Variants in CPQ observed in about 807,000 individuals in gnomAD.
CPQ encodes the protein carboxypeptidase Q.
In CPQ, 37 loss-of-function variants were observed where a neutral mutation model predicts 45.7. The ratio of observed to expected loss-of-function variants is 0.81; its 90% CI spans 0.62 to 1.07. CPQ has a LOEUF of 1.07. Ranked by LOEUF, CPQ falls within the 50% of genes least tolerant of loss-of-function variation. CPQ has a pLI of 0.00. For missense variants in CPQ, 537 were observed against 572.9 expected (o/e 0.94, Z 0.64); for synonymous variants, 186 against 205.8 (o/e 0.90, Z 0.82).
chr8:96,971,092 C>T (rs147377740), intron 5 of CPQ, among the ~76,000 whole-genome samples: 1,838 of 152,260 alleles, frequency 0.012, 36 homozygotes, highest in African/African-American at 0.041. Context: ...CAATGCCCTG[C>T]GGCATTTTTT....
chr8:97,085,820 C>T (rs747344332), intron 7 of CPQ, among the ~76,000 whole-genome samples: 2 of 152,092 alleles, frequency 1.3e-5, no homozygotes, highest in African/African-American at 2.4e-5. Context: ...AGGCTAAAGC[C>T]AATTGTGGTT....
intron 1 of CPQ, among the ~76,000 whole-genome samples, chr8:96,773,413 G>A (rs1810570529): frequency 6.6e-6 from 1 of 152,146 alleles, no homozygotes; most frequent in Non-Finnish European, 1.5e-5. Flanking sequence ...GTTTTGCCTA[G>A]GAGTTGGAGA....
At chr8:96,752,952 T>G (rs1261471946) in intron 1 of CPQ, among the ~76,000 whole-genome samples, 2 of 152,164 alleles carry the variant, frequency 1.3e-5, no homozygotes, top group African/African-American at 4.8e-5. Flanking sequence ...CATTTTATTC[T>G]GTGACTTCTT....
chr8:97,052,928 A>G (rs865819796), intron 6 of CPQ, among the ~76,000 whole-genome samples: 3 of 152,230 alleles, frequency 2.0e-5, no homozygotes, highest in Non-Finnish European at 4.4e-5. Flanking sequence ...CATACACAGT[A>G]AAGATTCAGC....
At chr8:96,972,642 G>T (rs1256492171) in intron 5 of CPQ, among the ~76,000 whole-genome samples, 1 of 152,178 alleles carries the variant, frequency 6.6e-6, no homozygotes, top group East Asian at 1.9e-4. Flanking sequence ...TCACTCCCCT[G>T]CTAATTCCAT....
At chr8:97,025,471 C>T (rs773393418) in intron 5 of CPQ, among the ~76,000 whole-genome samples, 3 of 152,082 alleles carry the variant, frequency 2.0e-5, no homozygotes, top group Non-Finnish European at 2.9e-5. Flanking sequence ...ATAGGAGAAC[C>T]GACTGCCTCT....
intron 4 of CPQ, among the ~76,000 whole-genome samples, chr8:96,965,659 G>A (rs544082765): frequency 1.3e-5 from 2 of 152,120 alleles, no homozygotes; most frequent in Admixed American, 6.5e-5. Flanking sequence ...GTGAGCCACC[G>A]CACCCGGCCA....
intron 1 of CPQ, among the ~76,000 whole-genome samples, chr8:96,675,897 A>C (rs1330165518): frequency 6.6e-6 from 1 of 151,938 alleles, no homozygotes; most frequent in African/African-American, 2.4e-5. Context: ...ACTCTTTTTT[A>C]AAATAAGTGT....
intron 1 of CPQ, among the ~76,000 whole-genome samples, chr8:96,656,553 G>A (rs975818944): frequency 6.6e-6 from 1 of 152,094 alleles, no homozygotes; most frequent in African/African-American, 2.4e-5. Context: ...CCTGTCTCTG[G>A]GCAGGGCCTT....
At chr8:96,902,818 G>A (rs567885337) in intron 4 of CPQ, among the ~76,000 whole-genome samples, 5 of 152,310 alleles carry the variant, frequency 3.3e-5, no homozygotes, top group East Asian at 1.9e-4. Flanking sequence ...ACTCCTTGTA[G>A]GGTGAAATTT....
chr8:96,897,890 T>C (rs947768230), intron 4 of CPQ, among the ~76,000 whole-genome samples: 2 of 152,112 alleles, frequency 1.3e-5, no homozygotes, highest in Non-Finnish European at 2.9e-5. Flanking sequence ...CCCTTTTAAT[T>C]TGCATACCAT....
At chr8:97,009,145 CG>C (rs1809437403) in intron 5 of CPQ, among the ~76,000 whole-genome samples, 1 of 152,244 alleles carries the variant, frequency 6.6e-6, no homozygotes, top group African/African-American at 2.4e-5. Context: ...GCATCAGCAA[CG>C]TCTCCACAGC....
intron 5 of CPQ, among the ~76,000 whole-genome samples, chr8:97,026,496 A>C (rs560153247): frequency 2.0e-5 from 3 of 152,194 alleles, no homozygotes; most frequent in Non-Finnish European, 4.4e-5. Context: ...CACTAGGTTT[A>C]AGGTCTAATT....
rs572682417 is a variant in CPQ, at chr8:97,040,837, A to G, written c.1053+11343A>G. Among the ~76,000 whole-genome samples the G allele has an allele frequency of 3.3e-5, 5 of 152,162 alleles. No homozygotes were observed. The South Asian group carries it at 1.0e-3, about 32-fold the overall frequency. On this transcript the variant is annotated intron_variant, in intron 6 of 7. Coordinates refer to ENST00000220763, the MANE Select transcript of CPQ (RefSeq NM_016134.4). ...CTGAGGGCTCTGTTCTGTTCCATTG[A>G]TCTATATCTCTGTTTTGGTACCAGT...
intron 5 of CPQ, among the ~76,000 whole-genome samples, chr8:97,028,448 T>A (rs979883370): frequency 6.6e-6 from 1 of 152,234 alleles, no homozygotes; most frequent in Non-Finnish European, 1.5e-5. Flanking sequence ...AACCCTTCCC[T>A]ATGGCTCCCC....
At chr8:96,861,500 C>T (rs1353561949) in intron 3 of CPQ, among the ~76,000 whole-genome samples, 1 of 152,054 alleles carries the variant, frequency 6.6e-6, no homozygotes, top group Non-Finnish European at 1.5e-5. Flanking sequence ...ACCCTGAAGA[C>T]GTTTAAGTAC....
In CPQ at chr8:96,785,088, A is replaced by T. The variant is rs780125284; in HGVS notation, c.191A>T (p.Tyr64Phe). Residue 64 changes from tyrosine to phenylalanine, a missense_variant, in exon 2 of 8, where the codon TAT (tyrosine) becomes TTT (phenylalanine). Tyr to Phe is a conservative substitution (Grantham distance 22). Coordinates refer to ENST00000220763, the MANE Select transcript of CPQ (RefSeq NM_016134.4). ...AVYGKAQNRS[Y>F]ERLALLVDTV... ...TATGGTAAAGCCCAGAACAGATCCT[A>T]TGAGCGATTGGCACTTCTGGTTGAT... 8 of 1,613,706 alleles carry T rather than the reference A, an allele frequency of 5.0e-6. No individual in the cohort carries two copies. In the Admixed American group the frequency reaches 6.7e-5, roughly 13 times the overall value.
At chr8:96,757,372 A>G (rs1315816093) in intron 1 of CPQ, among the ~76,000 whole-genome samples, 3 of 147,478 alleles carry the variant, frequency 2.0e-5, no homozygotes, top group African/African-American at 7.4e-5. Flanking sequence ...TAATAATAAT[A>G]ATAATAATAA....
At chr8:96,822,515 T>C (rs537239644) in intron 2 of CPQ, among the ~76,000 whole-genome samples, 55 of 152,152 alleles carry the variant, frequency 3.6e-4, no homozygotes, top group Non-Finnish European at 5.0e-4. Flanking sequence ...TTTTTCATAA[T>C]GGCATTCTCA....
Sources: allele counts gnomAD v4.1 joint callset (sites outside exome capture counted in the v4.1 genomes callset), GRCh38; gene constraint gnomAD v4.1.1; transcripts MANE v1.5; gene names NCBI Gene and HGNC (gene_info 2026-07-23, HGNC 2026-07-21).